The following PTER variants were observed in gnomAD, a reference collection of about 807,000 sequenced individuals.
PTER encodes the protein N-acetyltaurine hydrolase.
A neutral mutation model predicts 29.6 loss-of-function variants in PTER; 38 were observed. The ratio of observed to expected loss-of-function variants is 1.28; its 90% CI spans 0.99 to 1.68. The LOEUF (loss-of-function observed/expected upper bound fraction) is 1.68, where lower values mean the gene tolerates loss of function less well. PTER is among the 40% of genes most tolerant of loss of function. The pLI, the probability that PTER is intolerant of heterozygous loss-of-function variation, is 0.00. For synonymous variants in PTER, 172 were observed against 154.5 expected (o/e 1.11, Z -0.84); for missense variants, 482 against 427.8 (o/e 1.13, Z -1.12).
intron 1 of PTER, among the ~76,000 whole-genome samples, chr10:16,448,419 C>T (rs1321896511): frequency 3.3e-5 from 5 of 152,182 alleles, no homozygotes; most frequent in African/African-American, 7.2e-5. Flanking sequence ...AAATGAGGAA[C>T]GTGTTACCTC....
chr10:16,440,615 C>T (rs946473428), intron 1 of PTER, among the ~76,000 whole-genome samples: 2 of 152,094 alleles, frequency 1.3e-5, no homozygotes, highest in African/African-American at 2.4e-5. Context: ...GCTAACGAAA[C>T]GCAAGTGGAG....
At chr10:16,460,939 A>T (rs1196319645) in intron 1 of PTER, among the ~76,000 whole-genome samples, 3 of 152,012 alleles carry the variant, frequency 2.0e-5, no homozygotes, top group Non-Finnish European at 4.4e-5. Flanking sequence ...CTGGTCTCGA[A>T]CTCCTGACCT....
chr10:16,456,859 A>AGGGGG (rs775837340), intron 1 of PTER, among the ~76,000 whole-genome samples: 1 of 56,132 alleles, frequency 1.8e-5, no homozygotes, highest in African/African-American at 1.1e-4. Context: ...ACCATGGGGA[A>AGGGGG]GGTGGGGGGG....
At chr10:16,442,376 A>C (rs890675020) in intron 1 of PTER, among the ~76,000 whole-genome samples, 2 of 152,260 alleles carry the variant, frequency 1.3e-5, no homozygotes, top group Non-Finnish European at 1.5e-5. Flanking sequence ...TTTGGAGGAC[A>C]GATAAAGCCC....
intron 1 of PTER, among the ~76,000 whole-genome samples, chr10:16,470,357 C>T (rs1441209821): frequency 6.6e-6 from 1 of 152,224 alleles, no homozygotes; most frequent in Non-Finnish European, 1.5e-5. Flanking sequence ...CTTTGTATCT[C>T]CCATAGACCT....
At chr10:16,447,101 C>CTTTTTTT (rs71374690) in intron 1 of PTER, among the ~76,000 whole-genome samples, 14 of 124,614 alleles carry the variant, frequency 1.1e-4, no homozygotes, top group African/African-American at 1.8e-4. Context: ...TTTTTCTTTT[C>CTTTTTTT]TTTTTTTTTT....
chr10:16,509,922 G>GT lies in PTER; in HGVS notation c.840-1116dup, dbSNP rs200639631. Among the ~76,000 whole-genome samples, 756 of 151,922 alleles carry GT rather than the reference G, an allele frequency of 5.0e-3. 6 individuals carry two copies. The highest frequency in any genetic ancestry group is 0.017 in the African/African-American group (711 of 41,420). Reference sequence around the variant, plus strand: ...TCAGAGGGCAGGGCTTTGTGCTTGAGTTTTTTTTGTGTGTGTAGTACCCCA... The same window carrying GT: ...TCAGAGGGCAGGGCTTTGTGCTTGAGTTTTTTTTTGTGTGTGTAGTACCCCA... On this transcript the variant is annotated intron_variant, in intron 4 of 4. Transcript: ENST00000535784.
intron 4 of PTER, among the ~76,000 whole-genome samples, chr10:16,506,905 C>A (rs535945191): frequency 6.6e-6 from 1 of 152,050 alleles, no homozygotes; most frequent in South Asian, 2.1e-4. Flanking sequence ...TGATTGCATG[C>A]CTGTGTATTG....
At chr10:16,468,500 G>T (rs936225767) in intron 1 of PTER, among the ~76,000 whole-genome samples, 5 of 150,068 alleles carry the variant, frequency 3.3e-5, no homozygotes, top group African/African-American at 1.2e-4. Context: ...TTACTTTATT[G>T]TATGATTCCT....
intron 1 of PTER, among the ~76,000 whole-genome samples, chr10:16,464,609 GC>G: frequency 6.6e-6 from 1 of 152,264 alleles, no homozygotes; most frequent in South Asian, 2.1e-4. Flanking sequence ...TTCACTGTAA[GC>G]TAATGTACAA....
intron 1 of PTER, among the ~76,000 whole-genome samples, chr10:16,455,112 C>T (rs1834349036): frequency 6.6e-6 from 1 of 151,884 alleles, no homozygotes; most frequent in African/African-American, 2.4e-5. Context: ...ACCTGTAGTC[C>T]CAGCTATTAG....
At position 16,486,685 on chromosome 10, in the gene PTER, T is replaced by C. The variant is rs1835714845; in HGVS notation, c.698+68T>C. The C allele has an allele frequency of 4.0e-6, 6 of 1,492,560 alleles. No individual in the cohort carries two copies. The Admixed American group carries it at 1.2e-4, about 29-fold the overall frequency. 92.5% of individuals were successfully genotyped at this position (1,492,560 alleles called of 1,614,324 possible). ...TTAATGCATGATCAAATTAAGAATC[T>C]ACAGTAATCAGTCAATGCAATACTA... On this transcript the variant is annotated intron_variant, in intron 3 of 4. Coordinates refer to ENST00000535784, the MANE Select transcript of PTER (RefSeq NM_001261836.2).
intron 1 of PTER, among the ~76,000 whole-genome samples, chr10:16,454,961 G>C (rs1290209066): frequency 6.6e-6 from 1 of 151,976 alleles, no homozygotes; most frequent in Non-Finnish European, 1.5e-5. Flanking sequence ...AGGTGCAGTG[G>C]CTCATGCCTG....
intron 1 of PTER, among the ~76,000 whole-genome samples, chr10:16,478,167 G>A (rs180981548): frequency 5.9e-5 from 9 of 152,284 alleles, no homozygotes; most frequent in Admixed American, 1.3e-4. Context: ...ATGAGATCTC[G>A]TTTTTCAAAT....
downstream of PTER, among the ~76,000 whole-genome samples, chr10:16,517,537 G>A (rs1836970322): frequency 6.6e-6 from 1 of 152,124 alleles, no homozygotes. Context: ...CTGCTAAAAG[G>A]ATTATCAACA....
At chr10:16,463,108 G>A (rs1274203471) in intron 1 of PTER, among the ~76,000 whole-genome samples, 3 of 150,162 alleles carry the variant, frequency 2.0e-5, no homozygotes, top group Non-Finnish European at 2.9e-5. Context: ...CAGCAGAATC[G>A]CTTGAACCCG....
At chr10:16,505,839 T>C (rs1422503591) in intron 4 of PTER, among the ~76,000 whole-genome samples, 1 of 152,126 alleles carries the variant, frequency 6.6e-6, no homozygotes, top group Non-Finnish European at 1.5e-5. Flanking sequence ...AGGAAGGCTT[T>C]CGTTTGGGAA....
chr10:16,515,245 GTC>G (rs1836932591), downstream of PTER, among the ~76,000 whole-genome samples: 1 of 148,800 alleles, frequency 6.7e-6, no homozygotes, highest in Admixed American at 6.7e-5. Context: ...AAAAGAAAAA[GTC>G]TTTTGATTTA....
intron 1 of PTER, 58 bp from the exon 2 acceptor site, chr10:16,484,279 G>A: frequency 1.7e-6 from 2 of 1,167,172 alleles, no homozygotes; most frequent in Non-Finnish European, 2.4e-6. Context: ...ACGGACAAGA[G>A]TTTATGTGTG....
Sources: gnomAD v4.1 joint callset for allele counts (sites outside exome capture counted in the v4.1 genomes callset) on GRCh38, gnomAD v4.1.1 for gene constraint, MANE v1.5 for transcripts, NCBI Gene and HGNC (gene_info 2026-07-23, HGNC 2026-07-21) for gene names.